Variants in HTR4 observed in about 807,000 individuals in gnomAD.
HTR4 encodes 5-hydroxytryptamine (serotonin) receptor 4, G protein-coupled.
HTR4 carries 16 observed loss-of-function variants against 36.8 expected under a neutral mutation model. The ratio of observed to expected loss-of-function variants is 0.43; its 90% confidence interval spans 0.29 to 0.66. The LOEUF (loss-of-function observed/expected upper bound fraction) is 0.66. Ranked by LOEUF, HTR4 falls within the 30% of genes least tolerant of loss-of-function variation. The pLI, the probability that HTR4 is intolerant of heterozygous loss-of-function variation, is 0.13. For synonymous variants in HTR4, 189 were observed against 185.1 expected, an observed-to-expected ratio of 1.02 and a Z score of -0.17; for missense variants, 438 against 490.9, an observed-to-expected ratio of 0.89 and a Z score of 1.02.
intron 5 of HTR4, chr5:148,466,024 G>T (rs1296041538): frequency 9.7e-6 from 15 of 1,547,612 alleles, no homozygotes; most frequent in Non-Finnish European, 1.3e-5. Context: ...GTAGACACAT[G>T]ATCTCAGCCT....
Position 148,639,617 on chromosome 5 carries a change from G to GTATATATATATATATA in HTR4, c.-47-2572_-47-2557dup, listed in dbSNP as rs370514542. Among the ~76,000 whole-genome samples, 217 of 111,802 alleles carry GTATATATATATATATA rather than the reference G, an allele frequency of 1.9e-3. 2 individuals carry two copies. Among genetic ancestry groups the GTATATATATATATATA allele is most frequent in the South Asian group, 6.3e-3 (17 of 2,694 alleles). 73.3% of individuals were successfully genotyped at this position (111,802 alleles called of 152,430 possible). On this transcript the variant is annotated intron_variant, in intron 1 of 6. Transcript: ENST00000377888. ...TCTCTGTTCTATTTTTTTCTTCCCA[G>GTATATATATATATATA]TATATATATATATATATATATATAT...
chr5:148,618,950 G>A (rs1258891017), intron 2 of HTR4, among the ~76,000 whole-genome samples: 2 of 152,174 alleles, frequency 1.3e-5, no homozygotes, highest in African/African-American at 4.8e-5. Flanking sequence ...GGTTGATTTA[G>A]TAGGGTATAT....
intron 2 of HTR4, among the ~76,000 whole-genome samples, chr5:148,597,162 T>C (rs886082088): frequency 6.6e-6 from 1 of 152,152 alleles, no homozygotes; most frequent in East Asian, 1.9e-4. Context: ...GAGCAGACAT[T>C]CTCTATGGTA....
chr5:148,552,959 A>T (rs1476923811), intron 2 of HTR4, among the ~76,000 whole-genome samples: 2 of 152,240 alleles, frequency 1.3e-5, no homozygotes, highest in Admixed American at 1.3e-4. Flanking sequence ...GGTTGAAAGT[A>T]TAGAGATTTC....
At chr5:148,583,212 G>C (rs1213300539) in intron 2 of HTR4, among the ~76,000 whole-genome samples, 1 of 148,842 alleles carries the variant, frequency 6.7e-6, no homozygotes, top group African/African-American at 2.5e-5. Context: ...TTTGTCTTTG[G>C]TTCTGTTTAT....
chr5:148,645,028 C>T (rs568706978), intron 1 of HTR4: 9 of 152,170 alleles, frequency 5.9e-5, no homozygotes, highest in East Asian at 1.9e-4. Flanking sequence ...TACTGGTTTT[C>T]GCTTTCATTT....
At chr5:148,573,766 C>A (rs1372649588) in intron 2 of HTR4, among the ~76,000 whole-genome samples, 3 of 151,932 alleles carry the variant, frequency 2.0e-5, no homozygotes, top group East Asian at 3.9e-4. Context: ...AGCTGCCCTG[C>A]AAAGCCTTAC....
rs1418025587 is a variant in HTR4, at chr5:148,481,854, A to G, written c.*1349T>C. The G allele has an allele frequency of 1.8e-5, 23 of 1,280,050 alleles. No homozygotes were observed. Among genetic ancestry groups the G allele is most frequent in the Non-Finnish European group, 2.2e-5 (22 of 1,017,740 alleles). The allele number at this position is 1,280,050 out of a possible 1,614,324, so 79.3% of individuals were successfully genotyped here. ...ATAAAAGACATCCAGATTAATCTGAAGGACAAAGCTGGAAAGGTCAGGGGT... is the reference window on the plus strand; with the variant it reads ...ATAAAAGACATCCAGATTAATCTGAGGGACAAAGCTGGAAAGGTCAGGGGT... On this transcript the variant is annotated 3_prime_UTR_variant, in exon 7 of 7. Coordinates refer to ENST00000377888, the MANE Select transcript of HTR4 (RefSeq NM_000870.7).
At chr5:148,542,008 T>C (rs1759140589) in intron 4 of HTR4, among the ~76,000 whole-genome samples, 1 of 152,184 alleles carries the variant, frequency 6.6e-6, no homozygotes. Context: ...AATTTTACTG[T>C]AATTATCTGT....
chr5:148,555,644 C>T (rs1446860365), intron 2 of HTR4, among the ~76,000 whole-genome samples: 2 of 152,158 alleles, frequency 1.3e-5, no homozygotes, highest in East Asian at 3.8e-4. Context: ...GGCTGAAGAG[C>T]TGTCCACTCC....
At chr5:148,539,623 C>T (rs1056218461) in intron 4 of HTR4, among the ~76,000 whole-genome samples, 1 of 152,086 alleles carries the variant, frequency 6.6e-6, no homozygotes, top group Admixed American at 6.5e-5. Flanking sequence ...TAAAAAAGAG[C>T]TCAATATCAC....
At chr5:148,620,756 C>T (rs543544829) in intron 2 of HTR4, among the ~76,000 whole-genome samples, 1 of 152,274 alleles carries the variant, frequency 6.6e-6, no homozygotes, top group East Asian at 1.9e-4. Context: ...ATTGGACAAC[C>T]TGCTCTGTAA....
intron 5 of HTR4, among the ~76,000 whole-genome samples, chr5:148,467,797 A>G (rs891239083): frequency 6.6e-6 from 1 of 152,190 alleles, no homozygotes; most frequent in Non-Finnish European, 1.5e-5. Flanking sequence ...CAACTTTAAC[A>G]TATGTTTTTA....
At chr5:148,633,139 T>A (rs1430967262) in intron 2 of HTR4, among the ~76,000 whole-genome samples, 1 of 152,070 alleles carries the variant, frequency 6.6e-6, no homozygotes, top group Non-Finnish European at 1.5e-5. Context: ...TGACACTATT[T>A]ACCAAGGGAC....
chr5:148,491,235 TGCAAGGTTACTGCCG>T (rs1461120829), intron 6 of HTR4, among the ~76,000 whole-genome samples: 1 of 152,164 alleles, frequency 6.6e-6, no homozygotes, highest in Admixed American at 6.5e-5. Context: ...AGGGCTTATC[TGCAAGGTTACTGCCG>T]GTACTCTAAC....
At chr5:148,569,748 G>T (rs1243419403) in intron 2 of HTR4, among the ~76,000 whole-genome samples, 2 of 151,686 alleles carry the variant, frequency 1.3e-5, no homozygotes, top group East Asian at 3.9e-4. Flanking sequence ...GAAGAAGAGG[G>T]AGACAGAAAT....
At chr5:148,628,582 A>C (rs1753207807) in intron 2 of HTR4, 1 of 152,212 alleles carries the variant, frequency 6.6e-6, no homozygotes, top group Admixed American at 6.5e-5. Context: ...TAATTTGAAA[A>C]AATCAGTGAT....
At chr5:148,586,447 T>C (rs1178432768) in intron 2 of HTR4, among the ~76,000 whole-genome samples, 1 of 151,584 alleles carries the variant, frequency 6.6e-6, no homozygotes, top group Non-Finnish European at 1.5e-5. Context: ...AACAGGAGTA[T>C]ATTAGTCCAT....
At chr5:148,631,548 G>A (rs189485420) in intron 2 of HTR4, among the ~76,000 whole-genome samples, 3 of 152,154 alleles carry the variant, frequency 2.0e-5, no homozygotes, top group Admixed American at 2.0e-4. Context: ...TTATTTCAAG[G>A]CTTTAGAATA....
Sources: allele counts gnomAD v4.1 joint callset (sites outside exome capture counted in the v4.1 genomes callset), GRCh38; gene constraint gnomAD v4.1.1; transcripts MANE v1.5; gene names NCBI Gene and HGNC (gene_info 2026-07-23, HGNC 2026-07-21).